The following CNOT6L variants were observed in gnomAD, a reference collection of about 807,000 sequenced individuals.
CNOT6L encodes the protein CCR4-NOT transcription complex subunit 6 like, also known as CCR4-NOT transcription complex subunit 6-like.
Under a neutral mutation model 64.0 loss-of-function variants are expected in CNOT6L, and 7 were observed. That is an observed-to-expected ratio of 0.11 (90% CI 0.06 to 0.21). CNOT6L has a LOEUF of 0.21. CNOT6L is among the 10% of genes least tolerant of loss of function. CNOT6L has a pLI of 1.00. For synonymous variants in CNOT6L, 193 were observed against 243.4 expected (o/e 0.79, Z 1.93); for missense variants, 245 against 669.0 (o/e 0.37, Z 6.99).
chr4:77,747,809 GTAT>G lies in CNOT6L; in HGVS notation c.559+504_559+506del, dbSNP rs551180981. ...GTACTACTTCTACACCCCTGGGCTG[GTAT>G]TATACTTTGTTGCCAGTATAGTAAA... On this transcript the variant is annotated intron_variant, in intron 6 of 11. Coordinates refer to ENST00000504123, the MANE Select transcript of CNOT6L (RefSeq NM_144571.3). Among the ~76,000 whole-genome samples the G allele has an allele frequency of 2.1e-3, 319 of 152,162 alleles. 1 individual carries two copies. Among genetic ancestry groups the G allele is most frequent in the Admixed American group, 4.6e-3 (71 of 15,294 alleles).
At chr4:77,777,292 G>A (rs2110068841) in intron 1 of CNOT6L, among the ~76,000 whole-genome samples, 1 of 152,326 alleles carries the variant, frequency 6.6e-6, no homozygotes, top group South Asian at 2.1e-4. Context: ...AACTAGCACA[G>A]TCATGTGTGG....
In CNOT6L at chr4:77,743,586, C is replaced by CTTTTTT. The variant is rs142888128; in HGVS notation, c.717+1126_717+1131dup. Among the ~76,000 whole-genome samples, 48 of 70,888 alleles carry CTTTTTT rather than the reference C, an allele frequency of 6.8e-4. 5 individuals carry two copies. Among genetic ancestry groups the CTTTTTT allele is most frequent in the African/African-American group, 1.8e-3 (26 of 14,640 alleles). The allele number at this position is 70,888 out of a possible 152,430, so 46.5% of individuals were successfully genotyped here. A position where few individuals can be genotyped will look rare whatever the true frequency, so the allele number is the denominator to read the frequency against. ...GAATGTGTGAAATTGTAACACACAA[C>CTTTTTT]TTTTTTTTTTTTTTTTTTTTTTTTT... On this transcript the variant is annotated intron_variant, in intron 7 of 11. Coordinates refer to ENST00000504123, the MANE Select transcript of CNOT6L (RefSeq NM_144571.3).
intron 9 of CNOT6L, 65 bp downstream of exon 9, chr4:77,731,322 G>T: frequency 6.7e-7 from 1 of 1,500,440 alleles, no homozygotes; most frequent in Non-Finnish European, 9.1e-7. Flanking sequence ...CTCTTCACTT[G>T]TTTTGAGATG....
At chr4:77,804,384 G>A (rs897184171) in intron 1 of CNOT6L, among the ~76,000 whole-genome samples, 7 of 150,360 alleles carry the variant, frequency 4.7e-5, no homozygotes, top group Non-Finnish European at 8.9e-5. Context: ...AACCGGTATC[G>A]TGCCACTGCA....
In CNOT6L at chr4:77,731,379, G is replaced by A. The variant is rs1188012179; in HGVS notation, c.1024+8C>T. ...ATTTTTAGTAAGAATATTTTACATT[G>A]CACTCACCTGCTCCAAATAGTTCTT... On this transcript the variant is annotated splice_region_variant and intron_variant, in intron 9 of 11. Coordinates refer to ENST00000504123, the MANE Select transcript of CNOT6L (RefSeq NM_144571.3). 1 of 1,608,954 alleles carries A rather than the reference G, an allele frequency of 6.2e-7. No homozygotes were observed.
intron 6 of CNOT6L, among the ~76,000 whole-genome samples, chr4:77,745,810 A>G (rs1341724560): frequency 1.3e-5 from 2 of 152,202 alleles, no homozygotes; most frequent in African/African-American, 4.8e-5. Context: ...ATGAACAGAC[A>G]TGGTTGAGAA....
chr4:77,746,249 G>A (rs1215077596), intron 6 of CNOT6L, among the ~76,000 whole-genome samples: 1 of 152,126 alleles, frequency 6.6e-6, no homozygotes, highest in Non-Finnish European at 1.5e-5. Context: ...CCCTGCCAGT[G>A]CCTGAGAATG....
intron 10 of CNOT6L, among the ~76,000 whole-genome samples, chr4:77,727,579 A>G (rs1339179860): frequency 2.0e-5 from 3 of 148,788 alleles, no homozygotes; most frequent in Non-Finnish European, 3.0e-5. Context: ...AAAAAAAAAA[A>G]AAAAAAAAAA....
intron 1 of CNOT6L, among the ~76,000 whole-genome samples, chr4:77,797,122 A>AAAC (rs386400561): frequency 2.0e-5 from 3 of 150,582 alleles, no homozygotes; most frequent in African/African-American, 7.3e-5. Flanking sequence ...AAAAAAAAAA[A>AAAC]AAAACTGCCA....
intron 8 of CNOT6L, among the ~76,000 whole-genome samples, chr4:77,732,835 G>A (rs1364656977): frequency 1.3e-5 from 2 of 152,114 alleles, no homozygotes; most frequent in Non-Finnish European, 2.9e-5. Context: ...AAATGATGCT[G>A]AAGAGGAGAG....
At chr4:77,806,200 C>T (rs552640984) in intron 1 of CNOT6L, among the ~76,000 whole-genome samples, 61 of 152,164 alleles carry the variant, frequency 4.0e-4, no homozygotes, top group African/African-American at 1.3e-3. Context: ...CTGAGGCCGG[C>T]GGATCACCTG....
intron 1 of CNOT6L, among the ~76,000 whole-genome samples, chr4:77,798,929 T>A (rs1487633835): frequency 6.6e-6 from 1 of 151,834 alleles, no homozygotes; most frequent in Non-Finnish European, 1.5e-5. Context: ...GAGTGTGCCA[T>A]GATCACACAA....
intron 1 of CNOT6L, chr4:77,818,886 C>G (rs1053631410): frequency 3.2e-5 from 14 of 439,956 alleles, no homozygotes; most frequent in Admixed American, 2.1e-4. Flanking sequence ...CGGCGCGGCA[C>G]CGACCAGCAG....
At chr4:77,764,405 G>A (rs1726576507) in intron 4 of CNOT6L, among the ~76,000 whole-genome samples, 1 of 152,072 alleles carries the variant, frequency 6.6e-6, no homozygotes. Context: ...AAAGAGAAAA[G>A]GGAAAATATC....
rs1560591544 is a variant in CNOT6L at position 77,755,925 on chromosome 4, C to CCTA, written c.490+936_490+937insTAG. 4.8e-4 allele frequency among the ~76,000 whole-genome samples: 62 copies of CCTA among 129,778 alleles called. No homozygotes were observed. The East Asian group carries it at 0.013, about 28-fold the overall frequency. The allele number at this position is 129,778 out of a possible 152,430, so 85.1% of individuals were successfully genotyped here. On this transcript the variant is annotated intron_variant, in intron 5 of 11. Transcript: ENST00000504123. The stretch of plus-strand genomic sequence containing the variant: ...TTTACTCATATTTTCAGAGCTTAGG[C>CCTA]AAAAAAAAAAAAAAGTTTTAAATCA...
intron 5 of CNOT6L, 103 bp from the exon 6 acceptor site, chr4:77,748,487 G>T: frequency 1.3e-6 from 1 of 763,604 alleles, no homozygotes; most frequent in South Asian, 1.5e-5. Context: ...TGCTGTAACG[G>T]CCTGCAAACT....
At chr4:77,749,736 A>C (rs1028451805) in intron 5 of CNOT6L, among the ~76,000 whole-genome samples, 2 of 152,172 alleles carry the variant, frequency 1.3e-5, no homozygotes, top group African/African-American at 4.8e-5. Flanking sequence ...GTTCACGCAA[A>C]ATTTTTAAGT....
intron 1 of CNOT6L, among the ~76,000 whole-genome samples, chr4:77,814,271 T>C (rs1203020880): frequency 1.3e-5 from 2 of 152,146 alleles, no homozygotes; most frequent in African/African-American, 2.4e-5. Flanking sequence ...TTTTAGGTAA[T>C]GAAAATGTTC....
chr4:77,765,182 G>A (rs1423764788), intron 4 of CNOT6L, among the ~76,000 whole-genome samples: 1 of 152,108 alleles, frequency 6.6e-6, no homozygotes, highest in Non-Finnish European at 1.5e-5. Flanking sequence ...AGTTTACAAA[G>A]GCCATGGCAA....
Sources: gnomAD v4.1 joint callset for allele counts (sites outside exome capture counted in the v4.1 genomes callset) on GRCh38, gnomAD v4.1.1 for gene constraint, MANE v1.5 for transcripts, NCBI Gene and HGNC (gene_info 2026-07-23, HGNC 2026-07-21) for gene names.